Variants in TEX29 observed in about 807,000 individuals in gnomAD.
The protein encoded by TEX29 is testis expressed 29, also known as testis-expressed protein 29.
TEX29 carries 26 observed loss-of-function variants against 18.2 expected under a neutral mutation model. That is an observed-to-expected ratio of 1.43 (90% CI 1.04 to 1.98). The LOEUF is 1.98. TEX29 is among the 30% of genes most tolerant of loss of function. The probability of loss-of-function intolerance (pLI) is 0.00; values close to 1 mark genes in which losing one functional copy is unlikely to be tolerated. For synonymous variants in TEX29, 83 were observed against 78.5 expected, an observed-to-expected ratio of 1.06 and a Z score of -0.31; for missense variants, 177 against 194.2, an observed-to-expected ratio of 0.91 and a Z score of 0.53.
chr13:111,339,454 C>CT (rs1400823811), intron 3 of TEX29: 1 of 427,988 alleles, frequency 2.3e-6, no homozygotes, highest in Non-Finnish European at 4.6e-6. Context: ...GAGCCAGCGC[C>CT]ATCTCTCAGC....
chr13:111,342,557 C>CAAA (rs34305274), intron 4 of TEX29, among the ~76,000 whole-genome samples, 199 bp from the exon 5 acceptor site: 11,984 of 75,038 alleles, frequency 0.16, 1,063 homozygotes, highest in African/African-American at 0.22. Context: ...AAAACTGTCT[C>CAAA]AAAAAAAAAA....
At chr13:111,326,071 C>G (rs2093672391) in intron 2 of TEX29, among the ~76,000 whole-genome samples, 1 of 152,238 alleles carries the variant, frequency 6.6e-6, no homozygotes, top group Non-Finnish European at 1.5e-5. Flanking sequence ...CCAGAGGTCT[C>G]TGTGGATCCC....
At chr13:111,321,607 A>AAAC (rs1567157335) in intron 2 of TEX29, among the ~76,000 whole-genome samples, 2 of 147,832 alleles carry the variant, frequency 1.4e-5, no homozygotes, top group African/African-American at 5.2e-5. Context: ...TGCTTTTATA[A>AAAC]AACAACAACA....
chr13:111,320,235 G>A (rs1316874875), upstream of TEX29, among the ~76,000 whole-genome samples: 3 of 152,204 alleles, frequency 2.0e-5, no homozygotes, highest in African/African-American at 7.2e-5. Context: ...GGCCTGGTCC[G>A]AGGCAGCTAC....
chr13:111,332,532 G>A (rs1412452215), intron 3 of TEX29, among the ~76,000 whole-genome samples: 1 of 151,380 alleles, frequency 6.6e-6, no homozygotes, highest in African/African-American at 2.4e-5. Flanking sequence ...TCATTTTCTT[G>A]CCTAGTTTCT....
intron 3 of TEX29, among the ~76,000 whole-genome samples, chr13:111,333,281 A>G (rs573982079): frequency 1.1e-3 from 161 of 152,336 alleles, no homozygotes; most frequent in African/African-American, 3.7e-3. Context: ...GGAAGTTTTT[A>G]CCATTATTTC....
chr13:111,318,321 A>G (rs1028468466), upstream of TEX29, among the ~76,000 whole-genome samples: 2 of 152,224 alleles, frequency 1.3e-5, no homozygotes, highest in Non-Finnish European at 2.9e-5. Flanking sequence ...AAGACTGCAC[A>G]GTCTACCCCT....
At chr13:111,322,527 G>T (rs1378037431) in intron 2 of TEX29, among the ~76,000 whole-genome samples, 1 of 152,208 alleles carries the variant, frequency 6.6e-6, no homozygotes, top group Non-Finnish European at 1.5e-5. Flanking sequence ...GGCTGCTGGA[G>T]GCTGGTGCCA....
chr13:111,332,073 CT>C (rs2093683575), intron 3 of TEX29, among the ~76,000 whole-genome samples: 1 of 152,110 alleles, frequency 6.6e-6, no homozygotes, highest in Non-Finnish European at 1.5e-5. Flanking sequence ...TTGTCAATTT[CT>C]GCAGAAAAGA....
At chr13:111,320,983 T>TGGGGGGGGGGGGGGAG in intron 2 of TEX29, 35 bp downstream of exon 2, 1 of 193,526 alleles carries the variant, frequency 5.2e-6, no homozygotes, top group Non-Finnish European at 9.0e-6. Context: ...GCGGGTGGGG[T>TGGGGGGGGGGGGGGAG]GGGGGAGCAG....
intron 3 of TEX29, chr13:111,339,227 C>G (rs2093693700): frequency 2.2e-6 from 1 of 455,124 alleles, no homozygotes; most frequent in African/African-American, 2.0e-5. Context: ...GCAGGAACCC[C>G]TTTTAATACA....
In TEX29 at chr13:111,344,134, TGAA is replaced by T. The variant is rs780224800; in HGVS notation, c.*16_*18del. On this transcript the variant is annotated 3_prime_UTR_variant, in exon 6 of 6. Transcript: ENST00000283547. ...GAAACTGAGGACTGACTGAGACGCA[TGAA>T]GAAGTGGAGATTGTCAGAATTATCC... 3 of 1,611,038 alleles carry T rather than the reference TGAA, an allele frequency of 1.9e-6. 1 individual carries two copies. The highest frequency in any genetic ancestry group is 2.5e-6 in the Non-Finnish European group (3 of 1,177,470).
At chr13:111,328,956 G>C (rs1221848311) in intron 3 of TEX29, among the ~76,000 whole-genome samples, 2 of 152,212 alleles carry the variant, frequency 1.3e-5, no homozygotes, top group African/African-American at 4.8e-5. Flanking sequence ...AAATGTGTTC[G>C]AAGGGAGGTG....
chr13:111,338,476 A>G (rs766452126), intron 3 of TEX29, among the ~76,000 whole-genome samples: 1 of 152,108 alleles, frequency 6.6e-6, no homozygotes, highest in Non-Finnish European at 1.5e-5. Flanking sequence ...GAGATGATCA[A>G]TTTCTATTGT....
At chr13:111,322,234 T>C (rs1347817698) in intron 2 of TEX29, among the ~76,000 whole-genome samples, 1 of 152,018 alleles carries the variant, frequency 6.6e-6, no homozygotes, top group African/African-American at 2.4e-5. Context: ...ACAAGAGGGG[T>C]CTTTGCAGTT....
At chr13:111,326,775 T>G (rs917147734) in intron 2 of TEX29, among the ~76,000 whole-genome samples, 7 of 152,076 alleles carry the variant, frequency 4.6e-5, no homozygotes, top group African/African-American at 1.7e-4. Flanking sequence ...GCAGCTGCTG[T>G]CATCACCTGC....
chr13:111,337,659 C>T (rs983721563), intron 3 of TEX29, among the ~76,000 whole-genome samples: 7 of 151,906 alleles, frequency 4.6e-5, no homozygotes, highest in South Asian at 2.1e-4. Context: ...ATGGTAGCCC[C>T]GGATATTTGG....
intron 3 of TEX29, among the ~76,000 whole-genome samples, chr13:111,337,869 G>A (rs1002099568): frequency 2.0e-5 from 3 of 152,188 alleles, no homozygotes; most frequent in Admixed American, 2.0e-4. Flanking sequence ...TCTCTGTGAG[G>A]AACTCTTATC....
chr13:111,333,360 T>C (rs551813830), intron 3 of TEX29, among the ~76,000 whole-genome samples: 50 of 152,252 alleles, frequency 3.3e-4, no homozygotes, highest in Non-Finnish European at 6.3e-4. Context: ...TGATAGACTT[T>C]ATGGTATCCC....
Sources: allele counts gnomAD v4.1 joint callset (sites outside exome capture counted in the v4.1 genomes callset), GRCh38; gene constraint gnomAD v4.1.1; transcripts MANE v1.5; gene names NCBI Gene and HGNC (gene_info 2026-07-23, HGNC 2026-07-21).